KIAA0825: variants seen among roughly 807,000 people sequenced by gnomAD.
KIAA0825 encodes the protein uncharacterized protein KIAA0825.
Under a neutral mutation model 147.6 loss-of-function variants are expected in KIAA0825, and 119 were observed. That is an observed-to-expected ratio of 0.81 (90% CI 0.69 to 0.94). The LOEUF (loss-of-function observed/expected upper bound fraction) is 0.94. KIAA0825 is among the 40% of genes least tolerant of loss of function. The pLI is 0.00. For missense variants in KIAA0825, 1,381 were observed against 1,472.7 expected, an observed-to-expected ratio of 0.94 and a Z score of 1.02; for synonymous variants, 470 against 518.1, an observed-to-expected ratio of 0.91 and a Z score of 1.26.
rs967022331 is a variant in KIAA0825 at position 94,395,974 on chromosome 5, A to T, written c.3296+127T>A. The stretch of plus-strand genomic sequence containing the variant: ...GGGATACTTATCTTTTTTTATATTC[A>T]TCAAAGCTGCCATGAATTTAGCAAA... On this transcript the variant is annotated intron_variant, in intron 17 of 20. Transcript: ENST00000682413. 9.7e-6 allele frequency: 8 copies of T among 823,040 alleles called. No homozygotes were observed. In the Admixed American group the frequency reaches 3.0e-4, roughly 30 times the overall value. 51.0% of individuals were successfully genotyped at this position (823,040 alleles called of 1,614,324 possible). A position where few individuals can be genotyped will look rare whatever the true frequency, so the allele number is the denominator to read the frequency against.
Position 94,403,788 on chromosome 5 carries a change from T to C in KIAA0825, c.2668A>G (p.Thr890Ala), listed in dbSNP as rs1364905697. 1 of 1,551,198 alleles carries C rather than the reference T, an allele frequency of 6.4e-7. No homozygotes were observed. The stretch of plus-strand genomic sequence containing the variant: ...ACCTCTAGCTCGTACTCCACGCACG[T>C]TGAGACTTTAAAATCAGATGGCATA... The part of the protein sequence containing the change: ...WDFLYNIPVS[T>A]CVEYELEVIR... The change falls in exon 16 of 21, where the codon ACG (threonine) becomes GCG (alanine). Residue 890 changes from threonine to alanine, a missense_variant. By Grantham distance (58) the Thr-to-Ala change is moderately conservative (BLOSUM62 0). Transcript: ENST00000682413.
At chr5:94,484,587 G>T (rs1762832044) in intron 6 of KIAA0825, among the ~76,000 whole-genome samples, 182 bp downstream of exon 6, 1 of 151,596 alleles carries the variant, frequency 6.6e-6, no homozygotes, top group Non-Finnish European at 1.5e-5. Context: ...AACTTGCCAA[G>T]CATGAAGGAT....
At chr5:94,314,412 T>C (rs1779460017) in intron 20 of KIAA0825, among the ~76,000 whole-genome samples, 1 of 151,646 alleles carries the variant, frequency 6.6e-6, no homozygotes, top group Non-Finnish European at 1.5e-5. Context: ...AGTTTAGAGG[T>C]ATGCTGCACC....
intron 1 of KIAA0825, among the ~76,000 whole-genome samples, chr5:94,589,287 C>T (rs924779430): frequency 3.3e-5 from 5 of 152,206 alleles, no homozygotes; most frequent in Admixed American, 3.3e-4. Flanking sequence ...GGTAAAGCCA[C>T]TAATGGTGTG....
intron 2 of KIAA0825, among the ~76,000 whole-genome samples, chr5:94,559,286 G>C (rs890644904): frequency 1.3e-5 from 2 of 152,064 alleles, no homozygotes; most frequent in African/African-American, 4.8e-5. Flanking sequence ...GGAAAATGTT[G>C]TAAAGGACTA....
At chr5:94,343,303 G>C (rs1782631315) in intron 20 of KIAA0825, among the ~76,000 whole-genome samples, 1 of 152,056 alleles carries the variant, frequency 6.6e-6, no homozygotes, top group Non-Finnish European at 1.5e-5. Context: ...TATTTAAAAG[G>C]GCAGAAGAAC....
chr5:94,186,643 T>C (rs1043579303), intron 20 of KIAA0825, among the ~76,000 whole-genome samples: 2 of 152,260 alleles, frequency 1.3e-5, no homozygotes, highest in African/African-American at 4.8e-5. Flanking sequence ...AGATCTGGTC[T>C]CTGCCTTTAG....
chr5:94,380,447 C>T (rs1029730609), intron 20 of KIAA0825, among the ~76,000 whole-genome samples: 1 of 152,178 alleles, frequency 6.6e-6, no homozygotes, highest in Non-Finnish European at 1.5e-5. Context: ...CTGCTCTGTG[C>T]CCAAGGGCTG....
At chr5:94,579,076 C>T (rs1266140965) in intron 2 of KIAA0825, among the ~76,000 whole-genome samples, 1 of 152,170 alleles carries the variant, frequency 6.6e-6, no homozygotes, top group Non-Finnish European at 1.5e-5. Flanking sequence ...AGCGTGCCAC[C>T]ACACCCGGCT....
rs2149898397 is a variant in KIAA0825 at position 94,153,664 on chromosome 5, T to C, written c.*343A>G. ...CAACTTAACATCCAAATGTTGTATT[T>C]AAAAAATCCTTTAAAAAATTTCTGA... On this transcript the variant is annotated 3_prime_UTR_variant, in exon 21 of 21. Transcript: ENST00000682413. The C allele has an allele frequency of 5.9e-6, 1 of 168,150 alleles. No homozygotes were observed. 10.4% of individuals were successfully genotyped at this position (168,150 alleles called of 1,614,324 possible).
At chr5:94,477,059 A>G in intron 7 of KIAA0825, 52 bp downstream of exon 7, 1 of 1,225,640 alleles carries the variant, frequency 8.2e-7, no homozygotes, top group South Asian at 1.3e-5. Flanking sequence ...ATTCACAGGC[A>G]TATGATGATA....
At chr5:94,577,223 T>C (rs1266222258) in intron 2 of KIAA0825, among the ~76,000 whole-genome samples, 1 of 151,934 alleles carries the variant, frequency 6.6e-6, no homozygotes, top group African/African-American at 2.4e-5. Flanking sequence ...GATTGAAAAA[T>C]CCAGAAGAGA....
intron 15 of KIAA0825, among the ~76,000 whole-genome samples, chr5:94,409,529 G>A (rs1395294941): frequency 1.3e-5 from 2 of 152,144 alleles, no homozygotes. Context: ...TCTACATAGG[G>A]AAAGAGCTCC....
chr5:94,359,430 G>T (rs920809671), intron 20 of KIAA0825, among the ~76,000 whole-genome samples: 11 of 152,142 alleles, frequency 7.2e-5, no homozygotes, highest in African/African-American at 2.7e-4. Context: ...ATCAGTGTTT[G>T]TAATTCTTAG....
intron 20 of KIAA0825, among the ~76,000 whole-genome samples, chr5:94,260,346 A>G (rs1045512528): frequency 3.3e-5 from 5 of 152,134 alleles, no homozygotes; most frequent in African/African-American, 9.7e-5. Flanking sequence ...ATTTAAATCT[A>G]TTATTAGTCA....
At position 94,440,439 on chromosome 5, in the gene KIAA0825, G is replaced by A. The variant is rs533722073; in HGVS notation, c.2358-318C>T. Among the ~76,000 whole-genome samples the A allele has an allele frequency of 4.6e-5, 7 of 152,166 alleles. No homozygotes were observed. In the South Asian group the frequency reaches 1.5e-3, roughly 32 times the overall value. On this transcript the variant is annotated intron_variant, in intron 13 of 20. Coordinates refer to ENST00000682413, the MANE Select transcript of KIAA0825 (RefSeq NM_001145678.3). ...AAAATTACTTATGCATTTTTTGAAT[G>A]CATTCATTTGTTTATTTACCAAATA... is the stretch of plus-strand genomic sequence containing the variant.
At chr5:94,187,711 C>T (rs547207129) in intron 20 of KIAA0825, among the ~76,000 whole-genome samples, 140 of 152,202 alleles carry the variant, frequency 9.2e-4, no homozygotes, top group African/African-American at 3.3e-3. Flanking sequence ...AGGCATGAGC[C>T]ACCGCGCCAG....
intron 20 of KIAA0825, among the ~76,000 whole-genome samples, chr5:94,273,100 T>G (rs541599100): frequency 1.3e-5 from 2 of 152,338 alleles, no homozygotes; most frequent in Admixed American, 1.3e-4. Context: ...ACTAGTCTTA[T>G]GATCTTGTAT....
intron 2 of KIAA0825, among the ~76,000 whole-genome samples, chr5:94,564,881 CTTTTA>C (rs889766715): frequency 2.0e-5 from 3 of 151,912 alleles, no homozygotes; most frequent in African/African-American, 7.3e-5. Context: ...CTAAATCTTT[CTTTTA>C]TTTTCTCTTT....
Sources: gnomAD v4.1 joint callset for allele counts (sites outside exome capture counted in the v4.1 genomes callset) on GRCh38, gnomAD v4.1.1 for gene constraint, MANE v1.5 for transcripts, NCBI Gene and HGNC (gene_info 2026-07-23, HGNC 2026-07-21) for gene names.